The following MFSD2A variants were observed in gnomAD, a reference collection of about 807,000 sequenced individuals.
The protein encoded by MFSD2A is sodium-dependent lysophosphatidylcholine symporter 1.
MFSD2A carries 27 observed loss-of-function variants against 64.7 expected under a neutral mutation model. The observed-to-expected ratio is 0.42, with a 90% CI of 0.31 to 0.58. The LOEUF (loss-of-function observed/expected upper bound fraction) is 0.58. Among genes scored for constraint, MFSD2A ranks in the 20% least tolerant of loss-of-function variants. MFSD2A has a pLI of 0.18. For missense variants in MFSD2A, 474 were observed against 679.5 expected (o/e 0.70, Z 3.36); for synonymous variants, 258 against 273.4 (o/e 0.94, Z 0.55).
Position 39,955,765 on chromosome 1 carries a change from T to C in MFSD2A, c.93+380T>C. 1 of 448,888 alleles carries C rather than the reference T, an allele frequency of 2.2e-6. No homozygotes were observed. The allele number at this position is 448,888 out of a possible 1,614,324, so 27.8% of individuals were successfully genotyped here. A position where few individuals can be genotyped will look rare whatever the true frequency, so the allele number is the denominator to read the frequency against. On this transcript the variant is annotated intron_variant, in intron 1 of 13. Transcript: ENST00000372811. This position sits in a 1 kb window ranked among gnomAD's most constrained non-coding sequence, Gnocchi z 5.9. ...GGTTCCCCATCTCTCATCCCCTACC[T>C]CCCACTCCACCCACCTACTCTTGCG... is the stretch of plus-strand genomic sequence containing the variant.
At chr1:39,956,175 G>A (rs1644923754) in intron 1 of MFSD2A, among the ~76,000 whole-genome samples, 1 of 152,206 alleles carries the variant, frequency 6.6e-6, no homozygotes, top group African/African-American at 2.4e-5. Context: ...GCCTGAACCT[G>A]GAGGCCTTTC....
intron 9 of MFSD2A, 131 bp downstream of exon 9, chr1:39,967,300 G>A: frequency 1.2e-6 from 1 of 834,104 alleles, no homozygotes; most frequent in Non-Finnish European, 1.9e-6. Context: ...AGGCTTCTCA[G>A]GGTATTTGGT....
At chr1:39,969,335 A>G (rs771233552) in intron 13 of MFSD2A, among the ~76,000 whole-genome samples, 170 bp from the exon 14 acceptor site, 1 of 152,082 alleles carries the variant, frequency 6.6e-6, no homozygotes, top group Non-Finnish European at 1.5e-5. Flanking sequence ...TGCAGCAAGG[A>G]CAGTAAACAG....
In MFSD2A at chr1:39,968,933, G is replaced by T. The variant is rs1645224427; in HGVS notation, c.1529+188G>T. On this transcript the variant is annotated intron_variant, in intron 13 of 13. Coordinates refer to ENST00000372811, the MANE Select transcript of MFSD2A (RefSeq NM_032793.5). The surrounding 1 kb of genome is among the most constrained non-coding windows in gnomAD (Gnocchi z 4.4). ...TTTATTCAACAAATACATACTGGCT[G>T]CCTACTATGTGCTAGGCATTGACTG... is the stretch of plus-strand genomic sequence containing the variant. 6.6e-6 allele frequency among the ~76,000 whole-genome samples: 1 copy of T among 152,194 alleles called. No homozygotes were observed. Among genetic ancestry groups the T allele is most frequent in the Admixed American group, 6.5e-5 (1 of 15,290 alleles).
Position 39,969,937 on chromosome 1 carries a change from T to C in MFSD2A, c.*369T>C. The C allele has an allele frequency of 4.9e-6, 1 of 205,286 alleles. No homozygotes were observed. 12.7% of individuals were successfully genotyped at this position (205,286 alleles called of 1,614,324 possible). A position where few individuals can be genotyped will look rare whatever the true frequency, so the allele number is the denominator to read the frequency against. On this transcript the variant is annotated 3_prime_UTR_variant, in exon 14 of 14. Coordinates refer to ENST00000372811, the MANE Select transcript of MFSD2A (RefSeq NM_032793.5). ...CTGTGAGCTATTAATGTTATTAATT[T>C]TCATAAAAGCTGGAAAGCAGCTGCC...
chr1:39,955,593 C>A lies in MFSD2A; in HGVS notation c.93+208C>A. The stretch of plus-strand genomic sequence containing the variant: ...GCCCTCGCCCCCCTTTGCTCACCCG[C>A]ACTCCACGCTCTGCGGAGAGGCTCT... On this transcript the variant is annotated intron_variant, in intron 1 of 13. Coordinates refer to ENST00000372811, the MANE Select transcript of MFSD2A (RefSeq NM_032793.5). This position sits in a 1 kb window ranked among gnomAD's most constrained non-coding sequence, Gnocchi z 5.9. 1 of 695,766 alleles carries A rather than the reference C, an allele frequency of 1.4e-6. No individual in the cohort carries two copies. Among genetic ancestry groups the A allele is most frequent in the Non-Finnish European group, 2.6e-6 (1 of 383,308 alleles). 43.1% of individuals were successfully genotyped at this position (695,766 alleles called of 1,614,324 possible). A position where few individuals can be genotyped will look rare whatever the true frequency, so the allele number is the denominator to read the frequency against.
intron 3 of MFSD2A, among the ~76,000 whole-genome samples, chr1:39,962,069 G>A (rs1355736045): frequency 2.6e-5 from 4 of 152,218 alleles, no homozygotes. Context: ...TATCAACCAA[G>A]TCTCAAAGTT....
rs371976292 is a variant in MFSD2A at position 39,969,492 on chromosome 1, C to G, written c.1530-13C>G. 1 of 1,595,724 alleles carries G rather than the reference C, an allele frequency of 6.3e-7. No homozygotes were observed. Among genetic ancestry groups the G allele is most frequent in the Non-Finnish European group, 8.5e-7 (1 of 1,172,040 alleles). ...GGATGCTTCCTCCAACCCATCTCCT[C>G]TCTCTCTTGCAGGGACGAGGCCAGC... On this transcript the variant is annotated splice_polypyrimidine_tract_variant and intron_variant, in intron 13 of 13. Coordinates refer to ENST00000372811, the MANE Select transcript of MFSD2A (RefSeq NM_032793.5).
intron 9 of MFSD2A, 46 bp from the exon 10 acceptor site, chr1:39,967,582 T>G: frequency 1.9e-6 from 3 of 1,572,620 alleles, no homozygotes; most frequent in Non-Finnish European, 2.6e-6. Flanking sequence ...GGAGGGGCTC[T>G]GTGGCTCTAA....
rs889453813 is a variant in MFSD2A at position 39,965,696 on chromosome 1, G to A, written c.556+147G>A. 9.9e-6 allele frequency: 12 copies of A among 1,209,898 alleles called. No homozygotes were observed. In the African/African-American group the frequency reaches 1.6e-4, roughly 17 times the overall value. 74.9% of individuals were successfully genotyped at this position (1,209,898 alleles called of 1,614,324 possible). ...CTCAATCCCCTTATTGCTCAGATGA[G>A]ACCTGGAGAGGTGCATATGCGTTCA... On this transcript the variant is annotated intron_variant, in intron 5 of 13. Coordinates refer to ENST00000372811, the MANE Select transcript of MFSD2A (RefSeq NM_032793.5). The surrounding 1 kb of genome is among the most constrained non-coding windows in gnomAD (Gnocchi z 5.5).
In MFSD2A at chr1:39,965,717, G is replaced by A. The variant is rs762705820; in HGVS notation, c.557-140G>A. 17 of 1,248,112 alleles carry A rather than the reference G, an allele frequency of 1.4e-5. No homozygotes were observed. Among genetic ancestry groups the A allele is most frequent in the East Asian group, 9.5e-5 (4 of 41,944 alleles). The allele number at this position is 1,248,112 out of a possible 1,614,324, so 77.3% of individuals were successfully genotyped here. A position where few individuals can be genotyped will look rare whatever the true frequency, so the allele number is the denominator to read the frequency against. On this transcript the variant is annotated intron_variant, in intron 5 of 13. Transcript: ENST00000372811. The surrounding 1 kb of genome is among the most constrained non-coding windows in gnomAD (Gnocchi z 5.5). ...ATGAGACCTGGAGAGGTGCATATGC[G>A]TTCAAACCAAGGTGTCACCTACCCC...
At chr1:39,957,956 T>C (rs1293125383) in intron 2 of MFSD2A, 1 of 152,256 alleles carries the variant, frequency 6.6e-6, no homozygotes, top group Non-Finnish European at 1.5e-5. Flanking sequence ...GCAGCTAATT[T>C]TTGAGTAACT....
chr1:39,959,523 G>C (rs1344958972), intron 3 of MFSD2A, among the ~76,000 whole-genome samples: 1 of 152,086 alleles, frequency 6.6e-6, no homozygotes, highest in Admixed American at 6.6e-5. Context: ...AAAGTGTTAG[G>C]ATTACAGGTG....
At position 39,958,973 on chromosome 1, in the gene MFSD2A, C is replaced by CAT. The variant is rs1644981092; in HGVS notation, c.353+149_353+150dup. On this transcript the variant is annotated intron_variant, in intron 3 of 13. Transcript: ENST00000372811. This position sits in a 1 kb window ranked among gnomAD's most constrained non-coding sequence, Gnocchi z 4.7. The stretch of plus-strand genomic sequence containing the variant: ...AAGGGTGTTGAAACCCCATCCGAGG[C>CAT]ATCAGCTACCCTGAGCACGGGCACT... The CAT allele has an allele frequency of 1.1e-6, 1 of 931,526 alleles. No individual in the cohort carries two copies. The highest frequency in any genetic ancestry group is 2.6e-5 in the Admixed American group (1 of 39,128). The allele number at this position is 931,526 out of a possible 1,614,324, so 57.7% of individuals were successfully genotyped here. A position where few individuals can be genotyped will look rare whatever the true frequency, so the allele number is the denominator to read the frequency against.
intron 3 of MFSD2A, chr1:39,962,651 C>A: frequency 1.2e-6 from 1 of 835,666 alleles, no homozygotes; most frequent in South Asian, 1.4e-5. Flanking sequence ...GCATCCGGGG[C>A]CGGGGTCATG....
In MFSD2A at chr1:39,955,716, C is replaced by G; in HGVS notation, c.93+331C>G. On this transcript the variant is annotated intron_variant, in intron 1 of 13. Coordinates refer to ENST00000372811, the MANE Select transcript of MFSD2A (RefSeq NM_032793.5). The surrounding 1 kb of genome is among the most constrained non-coding windows in gnomAD (Gnocchi z 5.9). ...GCCGCCCCAAACCCCAGAGATGACC[C>G]CAGAAATCTGGGAAACTCCCCTTGG... The G allele has an allele frequency of 1.8e-6, 1 of 561,878 alleles. No homozygotes were observed. The highest frequency in any genetic ancestry group is 3.4e-6 in the Non-Finnish European group (1 of 296,810). 34.8% of individuals were successfully genotyped at this position (561,878 alleles called of 1,614,324 possible).
In MFSD2A at chr1:39,966,866, G is replaced by A. The variant is rs1464201359; in HGVS notation, c.861G>A (p.Leu287=). The A allele has an allele frequency of 6.2e-7, 1 of 1,613,948 alleles. No homozygotes were observed. Among genetic ancestry groups the A allele is most frequent in the East Asian group, 2.2e-5 (1 of 44,876 alleles). Residue 287 remains leucine (L), a synonymous_variant, in exon 8 of 14, where the codon CTG becomes CTA. Transcript: ENST00000372811. ...TCGCCTACTTCCGGGGCCTACGGCT[G>A]GTCATGAGCCACGGCCCATACATCA... The part of the protein sequence containing the change: ...EPIAYFRGLR[L]VMSHGPYIKL...
Position 39,955,600 on chromosome 1 carries a change from C to A in MFSD2A, c.93+215C>A, listed in dbSNP as rs1479077357. On this transcript the variant is annotated intron_variant, in intron 1 of 13. Transcript: ENST00000372811. This position sits in a 1 kb window ranked among gnomAD's most constrained non-coding sequence, Gnocchi z 5.9. ...CCCCCCTTTGCTCACCCGCACTCCA[C>A]GCTCTGCGGAGAGGCTCTGCCGGCA... 2.9e-6 allele frequency: 2 copies of A among 693,072 alleles called. No individual in the cohort carries two copies. The highest frequency in any genetic ancestry group is 2.1e-5 in the Admixed American group (1 of 48,580). 42.9% of individuals were successfully genotyped at this position (693,072 alleles called of 1,614,324 possible).
rs762489149 is a variant in MFSD2A, at chr1:39,965,808, GC to G, written c.557-46del. 3.1e-6 allele frequency: 5 copies of G among 1,606,558 alleles called. No homozygotes were observed. Among genetic ancestry groups the G allele is most frequent in the Non-Finnish European group, 4.3e-6 (5 of 1,175,870 alleles). On this transcript the variant is annotated intron_variant, in intron 5 of 13. Coordinates refer to ENST00000372811, the MANE Select transcript of MFSD2A (RefSeq NM_032793.5). This position sits in a 1 kb window ranked among gnomAD's most constrained non-coding sequence, Gnocchi z 5.5. ...CCACCCATTTGACCTTCCTCCCTGG[GC>G]CCACAATCCATGAGGCCCCTCCAAA...
Sources: gnomAD v4.1 joint callset for allele counts (sites outside exome capture counted in the v4.1 genomes callset) on GRCh38, gnomAD v4.1.1 for gene constraint, Gnocchi (gnomAD v3.1) non-coding constraint, MANE v1.5 for transcripts, NCBI Gene and HGNC (gene_info 2026-07-23, HGNC 2026-07-21) for gene names.